NRG3: variants seen among roughly 807,000 people sequenced by gnomAD.
NRG3 encodes pro-neuregulin-3, membrane-bound isoform.
NRG3 carries 31 observed loss-of-function variants against 66.9 expected under a neutral mutation model. The ratio of observed to expected loss-of-function variants is 0.46; its 90% CI spans 0.35 to 0.63. The LOEUF is 0.63. Ranked by LOEUF, NRG3 falls within the 20% of genes least tolerant of loss-of-function variation. NRG3 has a pLI of 0.00. For synonymous variants in NRG3, 393 were observed against 359.4 expected, an observed-to-expected ratio of 1.09 and a Z score of -1.06; for missense variants, 910 against 878.9, an observed-to-expected ratio of 1.04 and a Z score of -0.45.
chr10:82,165,496 T>G (rs2071968453), intron 1 of NRG3, among the ~76,000 whole-genome samples: 1 of 152,064 alleles, frequency 6.6e-6, no homozygotes, highest in African/African-American at 2.4e-5. Flanking sequence ...TGTTAATATT[T>G]TTCATACTTT....
At chr10:82,811,590 C>G (rs2061494808) in intron 3 of NRG3, among the ~76,000 whole-genome samples, 3 of 152,166 alleles carry the variant, frequency 2.0e-5, no homozygotes, top group Admixed American at 2.0e-4. Context: ...GGGAATACAC[C>G]AATTTGGGCT....
At chr10:82,741,527 T>C (rs1370095001) in intron 3 of NRG3, among the ~76,000 whole-genome samples, 1 of 152,198 alleles carries the variant, frequency 6.6e-6, no homozygotes, top group Non-Finnish European at 1.5e-5. Flanking sequence ...TTGTTACTAA[T>C]ACGCGTTTAA....
intron 1 of NRG3, among the ~76,000 whole-genome samples, chr10:82,106,864 G>T (rs576783942): frequency 6.6e-6 from 1 of 152,226 alleles, no homozygotes; most frequent in South Asian, 2.1e-4. Context: ...GATGCACTCT[G>T]CTATAAGGTA....
intron 3 of NRG3, among the ~76,000 whole-genome samples, chr10:82,757,111 A>G (rs1486207524): frequency 2.0e-5 from 3 of 152,238 alleles, no homozygotes; most frequent in Admixed American, 2.0e-4. Flanking sequence ...TGTGATGCAC[A>G]GGATTTGCTC....
intron 3 of NRG3, among the ~76,000 whole-genome samples, chr10:82,742,725 C>T (rs544490307): frequency 6.6e-6 from 1 of 152,086 alleles, no homozygotes; most frequent in African/African-American, 2.4e-5. Flanking sequence ...ATGCTGCCAG[C>T]GCACTGAGGG....
chr10:81,891,288 G>T (rs1262607515), intron 1 of NRG3, among the ~76,000 whole-genome samples: 1 of 152,156 alleles, frequency 6.6e-6, no homozygotes, highest in Non-Finnish European at 1.5e-5. Context: ...ATTCCCAAAG[G>T]CCTGTTTGAT....
At chr10:82,772,704 CTTTTTTTTTTT>C (rs745609399) in intron 3 of NRG3, among the ~76,000 whole-genome samples, 1 of 111,730 alleles carries the variant, frequency 9.0e-6, no homozygotes, top group African/African-American at 3.7e-5. Flanking sequence ...GCTTCCATAT[CTTTTTTTTTTT>C]TTTTTTTTTT....
chr10:81,929,582 C>G (rs1200716588), intron 1 of NRG3, among the ~76,000 whole-genome samples: 1 of 152,158 alleles, frequency 6.6e-6, no homozygotes, highest in East Asian at 1.9e-4. Flanking sequence ...CATCAGGCTT[C>G]TCTTTCCCAA....
At chr10:82,307,215 CATATCT>C (rs2080790369) in intron 1 of NRG3, among the ~76,000 whole-genome samples, 1 of 152,000 alleles carries the variant, frequency 6.6e-6, no homozygotes, top group Non-Finnish European at 1.5e-5. Flanking sequence ...TGGTATGTGA[CATATCT>C]ATATATGTCA....
At chr10:82,086,263 T>C (rs2065720337) in intron 1 of NRG3, among the ~76,000 whole-genome samples, 1 of 152,124 alleles carries the variant, frequency 6.6e-6, no homozygotes, top group South Asian at 2.1e-4. Flanking sequence ...TTGAACTTCC[T>C]CTACGAGAGT....
chr10:82,985,048 A>G (rs751645453), intron 8 of NRG3, 50 bp from the exon 9 acceptor site: 18 of 1,587,406 alleles, frequency 1.1e-5, no homozygotes, highest in Non-Finnish European at 1.5e-5. Flanking sequence ...GTATTGCTCT[A>G]ACAAAGCCTG....
At chr10:82,934,395 CCAAT>C (rs1449467139) in intron 4 of NRG3, among the ~76,000 whole-genome samples, 1 of 152,196 alleles carries the variant, frequency 6.6e-6, no homozygotes, top group African/African-American at 2.4e-5. Context: ...ACCGTATCCT[CCAAT>C]CACCTTGTGG....
At chr10:82,897,292 C>A (rs1459607570) in intron 4 of NRG3, among the ~76,000 whole-genome samples, 2 of 152,074 alleles carry the variant, frequency 1.3e-5, no homozygotes, top group African/African-American at 4.8e-5. Flanking sequence ...CTTGAGAGAA[C>A]AGAATAATTT....
Position 81,875,581 on chromosome 10 carries a change from C to T in NRG3, c.241C>T (p.Leu81Phe). Reference protein sequence around the residue: ...PLFIGFIGLGLSLMLLKWIVV... With the variant: ...PLFIGFIGLGFSLMLLKWIVV... Reference sequence around the variant, plus strand: ...GTTCATCGGCTTCATCGGCCTGGGGCTCAGCCTCATGCTTCTCAAATGGAT... The same window carrying T: ...GTTCATCGGCTTCATCGGCCTGGGGTTCAGCCTCATGCTTCTCAAATGGAT... Residue 81 changes from leucine (L) to phenylalanine (F), a missense_variant, in exon 1 of 9, where the codon CTC becomes TTC. Coordinates refer to ENST00000372141, the MANE Select transcript of NRG3 (RefSeq NM_001010848.4). The surrounding 1 kb of genome is among the most constrained non-coding windows in gnomAD (Gnocchi z 5.3). 6.2e-7 allele frequency: 1 copy of T among 1,613,536 alleles called. No individual in the cohort carries two copies. Among genetic ancestry groups the T allele is most frequent in the Non-Finnish European group, 8.5e-7 (1 of 1,179,930 alleles).
intron 1 of NRG3, among the ~76,000 whole-genome samples, chr10:82,219,927 A>G (rs915104512): frequency 1.1e-4 from 17 of 152,082 alleles, no homozygotes; most frequent in African/African-American, 3.4e-4. Context: ...ACACAATAAG[A>G]TATACATACA....
chr10:82,192,972 TGAGAGAGAGA>T (rs5786538), intron 1 of NRG3, among the ~76,000 whole-genome samples: 2 of 139,732 alleles, frequency 1.4e-5, no homozygotes, highest in African/African-American at 2.8e-5. Flanking sequence ...AGGAAGAAAG[TGAGAGAGAGA>T]GAGAGAGAGA....
intron 2 of NRG3, among the ~76,000 whole-genome samples, chr10:82,408,234 A>T (rs2087776762): frequency 6.6e-6 from 1 of 152,200 alleles, no homozygotes; most frequent in Non-Finnish European, 1.5e-5. Flanking sequence ...AGGTACTTAA[A>T]GTGGTCAGAG....
At chr10:81,909,337 A>T (rs7894086) in intron 1 of NRG3, among the ~76,000 whole-genome samples, 2,876 of 152,238 alleles carry the variant, frequency 0.019, 80 homozygotes, top group African/African-American at 0.063. Context: ...TTCAAATAAG[A>T]TCACATTCAC....
intron 1 of NRG3, among the ~76,000 whole-genome samples, chr10:82,084,096 C>T (rs1321560577): frequency 1.3e-5 from 2 of 151,808 alleles, no homozygotes; most frequent in East Asian, 2.0e-4. Context: ...GGTGTGGTGG[C>T]GTGTGCCTGT....
Sources: gnomAD v4.1 joint callset for allele counts (sites outside exome capture counted in the v4.1 genomes callset) on GRCh38, gnomAD v4.1.1 for gene constraint, Gnocchi (gnomAD v3.1) non-coding constraint, MANE v1.5 for transcripts, NCBI Gene and HGNC (gene_info 2026-07-23, HGNC 2026-07-21) for gene names.